Variants in COL13A1 observed in about 807,000 individuals in gnomAD.
COL13A1 encodes the protein collagen type XIII alpha 1 chain, also known as collagen alpha-1(XIII) chain.
A neutral mutation model predicts 130.9 loss-of-function variants in COL13A1; 89 were observed. That is an observed-to-expected ratio of 0.68 (90% confidence interval 0.57 to 0.81). The LOEUF (loss-of-function observed/expected upper bound fraction) is 0.81. Among genes scored for constraint, COL13A1 ranks in the 30% least tolerant of loss-of-function variants. The probability of loss-of-function intolerance (pLI) is 0.00; values close to 1 mark genes in which losing one functional copy is unlikely to be tolerated. For missense variants in COL13A1, 879 were observed against 934.6 expected, an observed-to-expected ratio of 0.94 and a Z score of 0.78; for synonymous variants, 402 against 341.6, an observed-to-expected ratio of 1.18 and a Z score of -1.95.
intron 14 of COL13A1, among the ~76,000 whole-genome samples, chr10:69,901,199 C>T (rs994744856): frequency 1.3e-5 from 2 of 152,182 alleles, no homozygotes; most frequent in Non-Finnish European, 2.9e-5. Context: ...GGGGGACCTG[C>T]AGTCAGGGCA....
intron 13 of COL13A1, among the ~76,000 whole-genome samples, chr10:69,897,303 C>T (rs1389856805): frequency 6.6e-6 from 1 of 152,026 alleles, no homozygotes; most frequent in Admixed American, 6.5e-5. Context: ...TGGCAGGTCT[C>T]GGGGCCTGGA....
intron 30 of COL13A1, among the ~76,000 whole-genome samples, chr10:69,931,462 T>C (rs2066111449): frequency 6.6e-6 from 1 of 152,208 alleles, no homozygotes. Context: ...TGCATCTTCC[T>C]TGGCTCACGG....
intron 3 of COL13A1, among the ~76,000 whole-genome samples, chr10:69,869,542 C>T (rs2894301): frequency 0.24 from 36,649 of 152,062 alleles, 4,476 homozygotes; most frequent in Middle Eastern, 0.3. Flanking sequence ...CAGATTTCTG[C>T]GGGCACAAGG....
At chr10:69,928,546 G>A (rs2065675482) in intron 27 of COL13A1, among the ~76,000 whole-genome samples, 1 of 152,236 alleles carries the variant, frequency 6.6e-6, no homozygotes, top group African/African-American at 2.4e-5. Flanking sequence ...CTGCTGAGTA[G>A]TATTTCATTG....
intron 2 of COL13A1, among the ~76,000 whole-genome samples, chr10:69,852,855 G>A (rs1026195114): frequency 3.9e-5 from 6 of 152,234 alleles, no homozygotes; most frequent in East Asian, 1.9e-4. Flanking sequence ...AGGTGGACTC[G>A]GCCCATTGCT....
chr10:69,949,241 G>A (rs573980421), intron 38 of COL13A1, among the ~76,000 whole-genome samples: 22 of 152,306 alleles, frequency 1.4e-4, no homozygotes, highest in South Asian at 1.0e-3. Context: ...GGAGTGCAAT[G>A]GCGCGATCTC....
chr10:69,831,849 C>T (rs1848887786), intron 2 of COL13A1, among the ~76,000 whole-genome samples: 1 of 152,198 alleles, frequency 6.6e-6, no homozygotes, highest in African/African-American at 2.4e-5. Flanking sequence ...AGTTCTACTC[C>T]TTGTTAGTCA....
chr10:69,808,693 G>C (rs946614229), intron 1 of COL13A1, among the ~76,000 whole-genome samples: 1 of 152,226 alleles, frequency 6.6e-6, no homozygotes, highest in Non-Finnish European at 1.5e-5. Flanking sequence ...CGATGACAGC[G>C]ATAGAGGCAT....
chr10:69,912,490 T>G (rs2063489468), intron 17 of COL13A1, among the ~76,000 whole-genome samples: 1 of 152,122 alleles, frequency 6.6e-6, no homozygotes, highest in Admixed American at 6.5e-5. Flanking sequence ...ACCTGGCTTT[T>G]CTGGCCTAGG....
intron 37 of COL13A1, 114 bp downstream of exon 37, chr10:69,945,838 C>G: frequency 2.3e-6 from 3 of 1,301,968 alleles, no homozygotes; most frequent in East Asian, 5.2e-5. Context: ...TTTGGGAGGC[C>G]GAGGCGGGCG....
rs532268582 is a variant in COL13A1 at position 69,898,645 on chromosome 10, C to G, written c.685-52C>G. 7.1e-6 allele frequency: 11 copies of G among 1,545,556 alleles called. No individual in the cohort carries two copies. The East Asian group carries it at 1.8e-4, about 25-fold the overall frequency. On this transcript the variant is annotated intron_variant, in intron 13 of 40. Transcript: ENST00000645393. ...TGACTTTTGGCATCGATCTGAATAC[C>G]TGTGATCTTTGGCCTTTGCCCTCTG...
intron 37 of COL13A1, among the ~76,000 whole-genome samples, 163 bp from the exon 38 acceptor site, chr10:69,947,144 C>T (rs2068677510): frequency 6.6e-6 from 1 of 152,220 alleles, no homozygotes; most frequent in Non-Finnish European, 1.5e-5. Flanking sequence ...GTCAGGTTTT[C>T]TTAGCGATTT....
At chr10:69,842,625 T>C (rs1459352697) in intron 2 of COL13A1, among the ~76,000 whole-genome samples, 2 of 152,210 alleles carry the variant, frequency 1.3e-5, no homozygotes, top group African/African-American at 4.8e-5. Context: ...CTAGCTTTCC[T>C]GGGCATTTGG....
intron 14 of COL13A1, 35 bp from the exon 15 acceptor site, chr10:69,902,713 G>C (rs573195243): frequency 1.3e-6 from 2 of 1,520,458 alleles, no homozygotes; most frequent in Non-Finnish European, 1.8e-6. Context: ...AGCTCTGGGG[G>C]CCTTCCCTCT....
chr10:69,929,952 G>A, intron 28 of COL13A1, 91 bp from the exon 29 acceptor site: 1 of 1,051,834 alleles, frequency 9.5e-7, no homozygotes, highest in Non-Finnish European at 1.5e-6. Flanking sequence ...GGGAAAGTGT[G>A]GAGTGGGATG....
chr10:69,804,005 C>T (rs1039243523), intron 1 of COL13A1, among the ~76,000 whole-genome samples: 22 of 152,022 alleles, frequency 1.4e-4, no homozygotes, highest in African/African-American at 4.6e-4. Flanking sequence ...GCAGAGAGAG[C>T]GGTCACAGGG....
chr10:69,939,463 C>T (rs564969359), intron 34 of COL13A1, among the ~76,000 whole-genome samples: 3 of 152,354 alleles, frequency 2.0e-5, no homozygotes, highest in East Asian at 1.9e-4. Flanking sequence ...CTTTCTGCTC[C>T]AGACCTCTCA....
intron 12 of COL13A1, among the ~76,000 whole-genome samples, chr10:69,895,115 T>C (rs1410343680): frequency 2.0e-5 from 3 of 152,224 alleles, no homozygotes; most frequent in East Asian, 1.9e-4. Context: ...GTGCTTGCCC[T>C]TGGGCCGCTG....
intron 35 of COL13A1, 125 bp downstream of exon 35, chr10:69,941,148 C>A: frequency 6.7e-7 from 1 of 1,496,298 alleles, no homozygotes; most frequent in Non-Finnish European, 9.2e-7. Context: ...CCTCCGACAC[C>A]AGAAAGGTGC....
Sources: gnomAD v4.1 joint callset for allele counts (sites outside exome capture counted in the v4.1 genomes callset) on GRCh38, gnomAD v4.1.1 for gene constraint, MANE v1.5 for transcripts, NCBI Gene and HGNC (gene_info 2026-07-23, HGNC 2026-07-21) for gene names.